The following PRH1 variants were observed in gnomAD, a reference collection of about 807,000 sequenced individuals.
PRH1 encodes the protein proline rich protein HaeIII subfamily 1.
PRH1 carries 7 observed loss-of-function variants against 7.9 expected under a neutral mutation model. The observed-to-expected ratio is 0.89, with a 90% CI of 0.50 to 1.67. PRH1 has a LOEUF of 1.67. Among genes scored for constraint, PRH1 ranks in the 40% most tolerant of loss-of-function variants. The pLI, the probability that PRH1 is intolerant of heterozygous loss-of-function variation, is 0.00. For synonymous variants in PRH1, 45 were observed against 80.8 expected, an observed-to-expected ratio of 0.56 and a Z score of 2.38; for missense variants, 109 against 223.6, an observed-to-expected ratio of 0.49 and a Z score of 3.27.
chr12:11,061,194 A>C (rs1270586235), intron 1 of PRH1, among the ~76,000 whole-genome samples: 1 of 137,724 alleles, frequency 7.3e-6, no homozygotes, highest in Non-Finnish European at 1.6e-5. Flanking sequence ...AAAAATACAT[A>C]TATATACATA....
At chr12:11,098,820 T>G (rs952445031) in intron 1 of PRH1, among the ~76,000 whole-genome samples, 1 of 152,198 alleles carries the variant, frequency 6.6e-6, no homozygotes, top group African/African-American at 2.4e-5. Context: ...CTCATAAATA[T>G]GAACACAAAT....
downstream of PRH1, among the ~76,000 whole-genome samples, chr12:11,118,296 A>G (rs1945789316): frequency 6.6e-6 from 1 of 152,202 alleles, no homozygotes; most frequent in South Asian, 2.1e-4. Context: ...AGATATACGA[A>G]TGTCAAACAG....
At chr12:10,967,315 G>T (rs1162032055) in intron 2 of PRH1, among the ~76,000 whole-genome samples, 2 of 151,982 alleles carry the variant, frequency 1.3e-5, no homozygotes, top group Non-Finnish European at 2.9e-5. Context: ...TTTTTATGGT[G>T]CACTTCTCCT....
At chr12:11,056,275 C>T (rs1226314853) in intron 1 of PRH1, among the ~76,000 whole-genome samples, 2 of 152,276 alleles carry the variant, frequency 1.3e-5, no homozygotes, top group East Asian at 1.9e-4. Flanking sequence ...AGAGTCTACA[C>T]TTCTCTGTGT....
upstream of PRH1, among the ~76,000 whole-genome samples, chr12:10,887,736 A>G (rs538898475): frequency 1.3e-5 from 2 of 152,240 alleles, no homozygotes; most frequent in Admixed American, 6.5e-5. Context: ...TTATATCTAA[A>G]GAAATTAAGT....
chr12:11,059,010 C>T (rs1249039935), intron 1 of PRH1, among the ~76,000 whole-genome samples: 1 of 152,198 alleles, frequency 6.6e-6, no homozygotes, highest in Non-Finnish European at 1.5e-5. Context: ...GAACACCACA[C>T]TGTGGGCATG....
rs546661304 is a variant in PRH1, at chr12:11,086,466, T to C, written n.124-39278A>G. ...TAAAATCAGTCTCCAATCTTGGATT[T>C]TATTTCTTTTCAGTTTTTATAGTAT... On this transcript the variant is annotated intron_variant and non_coding_transcript_variant, in intron 1 of 4. Transcript: ENST00000541977. Among the ~76,000 whole-genome samples the C allele has an allele frequency of 4.7e-5, 7 of 148,992 alleles. No individual in the cohort carries two copies. The South Asian group carries it at 1.5e-3, about 31-fold the overall frequency.
intron 1 of PRH1, among the ~76,000 whole-genome samples, chr12:11,059,266 T>G (rs1472667119): frequency 1.3e-5 from 2 of 151,616 alleles, no homozygotes; most frequent in Admixed American, 6.6e-5. Flanking sequence ...ACCGTCATGC[T>G]GTCTCTCTCA....
chr12:11,052,411 A>C (rs1347942112), intron 1 of PRH1, among the ~76,000 whole-genome samples: 1 of 152,202 alleles, frequency 6.6e-6, no homozygotes, highest in Admixed American at 6.5e-5. Context: ...TCTTATCAAC[A>C]TACTCTATCT....
chr12:11,166,999 T>C (rs1225686594), intron 1 of PRH1, among the ~76,000 whole-genome samples: 1 of 152,244 alleles, frequency 6.6e-6, no homozygotes, highest in Non-Finnish European at 1.5e-5. Context: ...AGGGCTCATA[T>C]GATTAGACTG....
chr12:11,100,714 T>C (rs1178190711), intron 1 of PRH1, among the ~76,000 whole-genome samples: 1 of 152,232 alleles, frequency 6.6e-6, no homozygotes, highest in African/African-American at 2.4e-5. Context: ...TTAGCTATGG[T>C]GACTAAATCT....
At chr12:10,909,147 A>C (rs1274817463) in intron 2 of PRH1, 2 of 1,614,016 alleles carry the variant, frequency 1.2e-6, no homozygotes, top group Non-Finnish European at 1.7e-6. Flanking sequence ...GGAGATTGCC[A>C]AGATAATGAG....
At chr12:11,069,887 AT>A (rs1943988684) in intron 1 of PRH1, among the ~76,000 whole-genome samples, 1 of 152,214 alleles carries the variant, frequency 6.6e-6, no homozygotes, top group South Asian at 2.1e-4. Flanking sequence ...GATGCTGAAA[AT>A]TCACCACAGA....
intron 2 of PRH1, among the ~76,000 whole-genome samples, chr12:10,952,272 G>A (rs773599730): frequency 3.3e-5 from 5 of 152,108 alleles, no homozygotes; most frequent in Non-Finnish European, 5.9e-5. Flanking sequence ...AAATAAAGGG[G>A]CCAAAATTAT....
At chr12:10,997,104 C>T in intron 1 of PRH1, 1 of 1,614,030 alleles carries the variant, frequency 6.2e-7, no homozygotes, top group Non-Finnish European at 8.5e-7. Context: ...AAGACAATTT[C>T]TTTTGGTCGC....
chr12:11,059,837 A>T (rs1033115725), intron 1 of PRH1, among the ~76,000 whole-genome samples: 1 of 152,190 alleles, frequency 6.6e-6, no homozygotes, highest in African/African-American at 2.4e-5. Context: ...TTGGTTTACC[A>T]CATCAGCTTA....
chr12:10,996,853 T>C lies in PRH1; in HGVS notation c.-125-23132A>G, dbSNP rs541309782. On this transcript the variant is annotated intron_variant, in intron 1 of 3. Coordinates refer to the PRH1 transcript ENST00000539853. ...AACTTTTGGAAATTACTCAAATACA[T>C]AGACTACGGAAAAACTTGTGGGAAA... The C allele has an allele frequency of 3.9e-5, 51 of 1,298,820 alleles. 1 individual carries two copies. Among genetic ancestry groups the C allele is most frequent in the East Asian group, 7.1e-5 (3 of 42,130 alleles). 80.5% of individuals were successfully genotyped at this position (1,298,820 alleles called of 1,614,324 possible). A position where few individuals can be genotyped will look rare whatever the true frequency, so the allele number is the denominator to read the frequency against.
At chr12:11,102,439 G>A (rs1362446682) in intron 1 of PRH1, among the ~76,000 whole-genome samples, 1 of 150,896 alleles carries the variant, frequency 6.6e-6, no homozygotes, top group Non-Finnish European at 1.5e-5. Flanking sequence ...ACAAGAAATG[G>A]GGAAAGGATT....
intron 2 of PRH1, among the ~76,000 whole-genome samples, chr12:10,941,552 TTTA>T (rs1208071516): frequency 1.0e-4 from 14 of 133,714 alleles, no homozygotes; most frequent in Non-Finnish European, 1.9e-4. Flanking sequence ...ATTATTAAAA[TTTA>T]TTATTTATTT....
Sources: allele counts gnomAD v4.1 joint callset (sites outside exome capture counted in the v4.1 genomes callset), GRCh38; gene constraint gnomAD v4.1.1; transcripts MANE v1.5; gene names NCBI Gene and HGNC (gene_info 2026-07-23, HGNC 2026-07-21).